The following WWP2 variants were observed in gnomAD, a reference collection of about 807,000 sequenced individuals.
WWP2 encodes NEDD4-like E3 ubiquitin-protein ligase WWP2.
Under a neutral mutation model 121.0 loss-of-function variants are expected in WWP2, and 57 were observed. The observed-to-expected ratio is 0.47, with a 90% CI of 0.38 to 0.59. The LOEUF is 0.59. Among genes scored for constraint, WWP2 ranks in the 20% least tolerant of loss-of-function variants. The probability of loss-of-function intolerance (pLI) is 0.00; values close to 1 mark genes in which losing one functional copy is unlikely to be tolerated. For missense variants in WWP2, 962 were observed against 1,158.9 expected, an observed-to-expected ratio of 0.83 and a Z score of 2.47; for synonymous variants, 449 against 441.3, an observed-to-expected ratio of 1.02 and a Z score of -0.22.
At chr16:69,923,025 G>T (rs1241734853) in intron 10 of WWP2, among the ~76,000 whole-genome samples, 3 of 152,042 alleles carry the variant, frequency 2.0e-5, no homozygotes, top group Non-Finnish European at 4.4e-5. Flanking sequence ...GAGTAGCTGG[G>T]ATTATAGGTG....
At chr16:69,792,747 A>G (rs1380604036) in intron 2 of WWP2, among the ~76,000 whole-genome samples, 1 of 152,162 alleles carries the variant, frequency 6.6e-6, no homozygotes, top group African/African-American at 2.4e-5. Context: ...GCTAGAGTGC[A>G]GTGGCACAAT....
At chr16:69,809,730 T>A (rs2056351079) in intron 4 of WWP2, among the ~76,000 whole-genome samples, 1 of 151,130 alleles carries the variant, frequency 6.6e-6, no homozygotes, top group South Asian at 2.1e-4. Flanking sequence ...ATTGCGCCAT[T>A]GGATGCCAGC....
intron 13 of WWP2, 82 bp from the exon 14 acceptor site, chr16:69,931,070 A>T: frequency 7.5e-7 from 1 of 1,338,628 alleles, no homozygotes; most frequent in Non-Finnish European, 1.1e-6. Flanking sequence ...ACATAGCACC[A>T]GCTTTCCTTA....
intron 9 of WWP2, among the ~76,000 whole-genome samples, chr16:69,915,621 TAGAAGCAATTGAGAGTTGA>T (rs1209813308): frequency 6.6e-6 from 1 of 152,180 alleles, no homozygotes; most frequent in Non-Finnish European, 1.5e-5. Context: ...CATATACTAG[TAGAAGCAATTGAGAGTTGA>T]AAGTGGTTGC....
chr16:69,859,765 T>C (rs2057382583), intron 6 of WWP2, among the ~76,000 whole-genome samples: 2 of 151,902 alleles, frequency 1.3e-5, no homozygotes. Flanking sequence ...GATCTCCCTG[T>C]GATTTGAATC....
intron 8 of WWP2, among the ~76,000 whole-genome samples, chr16:69,893,796 G>A (rs1393344372): frequency 6.6e-6 from 1 of 152,088 alleles, no homozygotes; most frequent in African/African-American, 2.4e-5. Context: ...CACCTGCCTC[G>A]GCCTCCCAAA....
At chr16:69,886,720 A>G (rs1243413961) in intron 7 of WWP2, among the ~76,000 whole-genome samples, 2 of 152,190 alleles carry the variant, frequency 1.3e-5, no homozygotes, top group African/African-American at 2.4e-5. Flanking sequence ...AGATGGCGCC[A>G]TTCCACTCCA....
chr16:69,924,643 C>G (rs2058611677), intron 10 of WWP2, among the ~76,000 whole-genome samples: 1 of 151,868 alleles, frequency 6.6e-6, no homozygotes. Context: ...AGCCAGTTCC[C>G]CCTTCTTTCC....
At chr16:69,860,357 G>C (rs1196265081) in intron 6 of WWP2, among the ~76,000 whole-genome samples, 1 of 152,146 alleles carries the variant, frequency 6.6e-6, no homozygotes, top group Non-Finnish European at 1.5e-5. Context: ...GCACACACTA[G>C]GTGCTGAGTC....
intron 4 of WWP2, among the ~76,000 whole-genome samples, chr16:69,819,397 C>T (rs1041485268): frequency 9.9e-5 from 15 of 152,160 alleles, no homozygotes; most frequent in African/African-American, 3.4e-4. Flanking sequence ...CAAACATGCT[C>T]CTCCGCTTTC....
chr16:69,915,995 G>A (rs2058474350), intron 9 of WWP2, among the ~76,000 whole-genome samples: 1 of 150,252 alleles, frequency 6.7e-6, no homozygotes, highest in East Asian at 2.0e-4. Context: ...CCATGATCCT[G>A]CTACTCTACT....
In WWP2 at chr16:69,935,214, C is replaced by G. The variant is rs2058778739; in HGVS notation, c.1843-639C>G. ...CCTTCCTGAGTGTCCCACCCGGCTC[C>G]CCTCTTAGGAGGACCCAAGCGCCCC... On this transcript the variant is annotated intron_variant, in intron 17 of 23. Transcript: ENST00000359154. The surrounding 1 kb of genome is among the most constrained non-coding windows in gnomAD (Gnocchi z 5.2). Among the ~76,000 whole-genome samples, 1 of 152,206 alleles carries G rather than the reference C, an allele frequency of 6.6e-6. No individual in the cohort carries two copies. The highest frequency in any genetic ancestry group is 2.1e-4 in the South Asian group (1 of 4,834).
chr16:69,824,959 TG>T (rs1161261933), intron 4 of WWP2, among the ~76,000 whole-genome samples: 1 of 151,472 alleles, frequency 6.6e-6, no homozygotes, highest in Non-Finnish European at 1.5e-5. Flanking sequence ...TTGGTAGAGA[TG>T]GGGTTTCACT....
At chr16:69,899,477 C>T (rs1445166020) in intron 8 of WWP2, among the ~76,000 whole-genome samples, 5 of 152,078 alleles carry the variant, frequency 3.3e-5, no homozygotes, top group Non-Finnish European at 7.4e-5. Context: ...TGCCTATAAT[C>T]CCAGCACTTC....
rs762925299 is a variant in WWP2, at chr16:69,934,038, A to G, written c.1751A>G (p.Lys584Arg). ...PMYCLFEYAGKNNYCLQINPA... is the reference protein window; with the variant it reads ...PMYCLFEYAGRNNYCLQINPA... ...TATTGTTTATTTGAATATGCCGGAA[A>G]GAACAATTACTGCCTGCAGATCAAC... Residue 584 changes from lysine to arginine, a missense_variant, in exon 17 of 24, where the codon AAG (lysine) becomes AGG (arginine). Coordinates refer to ENST00000359154, the MANE Select transcript of WWP2 (RefSeq NM_001270454.2). The G allele has an allele frequency of 1.9e-6, 3 of 1,614,194 alleles. No individual in the cohort carries two copies. In the Admixed American group the frequency reaches 5.0e-5, roughly 27 times the overall value.
chr16:69,912,567 TTTTG>T (rs569093580), intron 9 of WWP2, among the ~76,000 whole-genome samples: 93 of 151,900 alleles, frequency 6.1e-4, no homozygotes, highest in Admixed American at 1.4e-3. Context: ...TGGAGGGTAG[TTTTG>T]TTTGTTTGTT....
At chr16:69,825,994 C>T (rs762512033) in intron 4 of WWP2, among the ~76,000 whole-genome samples, 4 of 152,074 alleles carry the variant, frequency 2.6e-5, no homozygotes, top group African/African-American at 7.2e-5. Context: ...CAGCCAGGCG[C>T]GGTGGCTCAT....
At chr16:69,789,381 C>T (rs534997582) in intron 2 of WWP2, among the ~76,000 whole-genome samples, 6 of 152,312 alleles carry the variant, frequency 3.9e-5, no homozygotes, top group Admixed American at 1.3e-4. Flanking sequence ...AGGCGTGTGC[C>T]ACCGCGCCTG....
intron 7 of WWP2, among the ~76,000 whole-genome samples, chr16:69,884,226 T>C (rs2057883632): frequency 6.6e-6 from 1 of 152,218 alleles, no homozygotes; most frequent in South Asian, 2.1e-4. Context: ...GTTTAGTAGT[T>C]ATCTTAGAAT....
Sources: gnomAD v4.1 joint callset for allele counts (sites outside exome capture counted in the v4.1 genomes callset) on GRCh38, gnomAD v4.1.1 for gene constraint, Gnocchi (gnomAD v3.1) non-coding constraint, MANE v1.5 for transcripts, NCBI Gene and HGNC (gene_info 2026-07-23, HGNC 2026-07-21) for gene names.